The following ITSN1 variants were observed in gnomAD, a reference collection of about 807,000 sequenced individuals.
ITSN1 encodes the protein intersectin-1.
ITSN1 carries 58 observed loss-of-function variants against 239.8 expected under a neutral mutation model. The observed-to-expected ratio is 0.24, with a 90% CI of 0.20 to 0.30. The LOEUF (loss-of-function observed/expected upper bound fraction) is 0.30, where lower values mean the gene tolerates loss of function less well. Ranked by LOEUF, ITSN1 falls within the 10% of genes least tolerant of loss-of-function variation. The probability of loss-of-function intolerance (pLI) is 1.00; values close to 1 mark genes in which losing one functional copy is unlikely to be tolerated. For missense variants in ITSN1, 1,558 were observed against 2,103.3 expected, an observed-to-expected ratio of 0.74 and a Z score of 5.07; for synonymous variants, 780 against 770.8, an observed-to-expected ratio of 1.01 and a Z score of -0.20.
chr21:33,888,111 G>A, intron 39 of ITSN1, 41 bp from the exon 40 acceptor site: 1 of 1,596,722 alleles, frequency 6.3e-7, no homozygotes, highest in African/African-American at 1.4e-5. Context: ...CGAAGAGAGG[G>A]AATGGTCCCT....
intron 8 of ITSN1, among the ~76,000 whole-genome samples, chr21:33,757,759 G>A (rs897586549): frequency 6.6e-6 from 1 of 152,048 alleles, no homozygotes; most frequent in Non-Finnish European, 1.5e-5. Flanking sequence ...TTGAGAAAAG[G>A]TTTCAGTATA....
rs1986886549 is a variant in ITSN1 at position 33,898,116 on chromosome 21, C to T, written c.*9816C>T. On this transcript the variant is annotated 3_prime_UTR_variant, in exon 40 of 40. Transcript: ENST00000381318. ...TTTTTCATCAGATCCATGTGCCACG[C>T]AGGCTTCCTTGGGTTCTAGTGGATT... is the stretch of plus-strand genomic sequence containing the variant. 1 of 152,206 alleles carries T rather than the reference C, an allele frequency of 6.6e-6. No individual in the cohort carries two copies. The highest frequency in any genetic ancestry group is 1.5e-5 in the Non-Finnish European group (1 of 68,030). The allele number at this position is 152,206 out of a possible 1,614,324, so 9.4% of individuals were successfully genotyped here. A position where few individuals can be genotyped will look rare whatever the true frequency, so the allele number is the denominator to read the frequency against.
At chr21:33,736,305 T>C (rs2066498093) in intron 5 of ITSN1, among the ~76,000 whole-genome samples, 1 of 152,230 alleles carries the variant, frequency 6.6e-6, no homozygotes, top group South Asian at 2.1e-4. Context: ...AGGGTGTCTC[T>C]GATATAATTA....
intron 1 of ITSN1, among the ~76,000 whole-genome samples, chr21:33,662,778 C>T (rs575756551): frequency 3.3e-5 from 5 of 152,276 alleles, no homozygotes; most frequent in South Asian, 4.1e-4. Flanking sequence ...TGTTTCTGCA[C>T]GTACACAGGA....
At chr21:33,761,823 A>C (rs1417041432) in intron 8 of ITSN1, 100 bp from the exon 9 acceptor site, 1 of 792,932 alleles carries the variant, frequency 1.3e-6, no homozygotes, top group East Asian at 2.4e-5. Context: ...TTGTGATTGC[A>C]TGAGGTCATG....
intron 29 of ITSN1, 141 bp downstream of exon 29, chr21:33,836,773 C>T: frequency 1.3e-6 from 1 of 773,696 alleles, no homozygotes; most frequent in Non-Finnish European, 2.1e-6. Flanking sequence ...TCTTTGAAGA[C>T]CTTCTGTAAT....
chr21:33,760,107 C>CA (rs548123368), intron 8 of ITSN1, among the ~76,000 whole-genome samples: 253 of 123,588 alleles, frequency 2.0e-3, no homozygotes, highest in Middle Eastern at 4.2e-3. Flanking sequence ...GACTCCATCT[C>CA]AAAAAAAAAA....
At chr21:33,837,584 A>G in intron 29 of ITSN1, 5 of 985,918 alleles carry the variant, frequency 5.1e-6, no homozygotes, top group Non-Finnish European at 6.0e-6. Flanking sequence ...GACGTATAGA[A>G]TGAGCCCAAT....
At chr21:33,682,554 C>T (rs1464565841) in intron 1 of ITSN1, among the ~76,000 whole-genome samples, 1 of 150,866 alleles carries the variant, frequency 6.6e-6, no homozygotes, top group Non-Finnish European at 1.5e-5. Flanking sequence ...GAGATGGAGC[C>T]TCTCTCTGTT....
chr21:33,895,353 A>C lies in ITSN1; in HGVS notation c.*7053A>C, dbSNP rs1332718076. 1 of 152,448 alleles carries C rather than the reference A, an allele frequency of 6.6e-6. No individual in the cohort carries two copies. The highest frequency in any genetic ancestry group is 2.1e-4 in the South Asian group (1 of 4,848). The allele number at this position is 152,448 out of a possible 1,614,324, so 9.4% of individuals were successfully genotyped here. ...CTACTTGTAGACTTTGACTTCTGGA[A>C]TTTTAGGTGGAAGGGAATTTTTGTT... is the stretch of plus-strand genomic sequence containing the variant. On this transcript the variant is annotated 3_prime_UTR_variant, in exon 40 of 40. Transcript: ENST00000381318.
rs367792826 is a variant in ITSN1, at chr21:33,765,853, C to T, written c.789-22C>T. The stretch of plus-strand genomic sequence containing the variant: ...CATGAATTTTCATGAAACCGGATTA[C>T]AGTTAACTTTTTGTTGAATAGGAAT... On this transcript the variant is annotated intron_variant, in intron 9 of 39. Coordinates refer to ENST00000381318, the MANE Select transcript of ITSN1 (RefSeq NM_003024.3). The T allele has an allele frequency of 1.9e-6, 3 of 1,612,790 alleles. No homozygotes were observed. The African/African-American group carries it at 4.0e-5, about 22-fold the overall frequency.
chr21:33,768,144 A>G (rs1422796381), intron 11 of ITSN1, among the ~76,000 whole-genome samples: 1 of 152,370 alleles, frequency 6.6e-6, no homozygotes. Flanking sequence ...GATGAGTATT[A>G]AGGTGATTGC....
intron 9 of ITSN1, among the ~76,000 whole-genome samples, chr21:33,762,439 A>T (rs4816465): frequency 1 from 151,956 of 151,956 alleles, 75,978 homozygotes; most frequent in Non-Finnish European, 1. Context: ...GCTAATTTTG[A>T]ATTTTTAGTA....
intron 5 of ITSN1, among the ~76,000 whole-genome samples, chr21:33,744,152 T>C (rs1184310260): frequency 6.6e-6 from 1 of 152,184 alleles, no homozygotes; most frequent in Non-Finnish European, 1.5e-5. Context: ...GATAAAACTT[T>C]AAGGGGAGCA....
At chr21:33,855,015 C>T (rs1262347122) in intron 29 of ITSN1, among the ~76,000 whole-genome samples, 2 of 152,146 alleles carry the variant, frequency 1.3e-5, no homozygotes. Flanking sequence ...GGAAGCACCA[C>T]AACCCGAGAG....
intron 5 of ITSN1, among the ~76,000 whole-genome samples, chr21:33,746,374 G>T (rs1417169693): frequency 2.0e-5 from 3 of 152,186 alleles, no homozygotes; most frequent in African/African-American, 7.2e-5. Context: ...TGATCCAGCT[G>T]TTGGATTCAT....
chr21:33,744,935 A>T (rs1476605831), intron 5 of ITSN1, among the ~76,000 whole-genome samples: 1 of 152,264 alleles, frequency 6.6e-6, no homozygotes, highest in Non-Finnish European at 1.5e-5. Context: ...GGCATTTATT[A>T]TGCCTTTTGT....
At chr21:33,771,688 G>A (rs772897185) in intron 11 of ITSN1, among the ~76,000 whole-genome samples, 4 of 152,106 alleles carry the variant, frequency 2.6e-5, no homozygotes, top group East Asian at 1.9e-4. Flanking sequence ...TCATCAGCAC[G>A]GTTACAAGGC....
intron 4 of ITSN1, among the ~76,000 whole-genome samples, chr21:33,723,148 C>T (rs1478129449): frequency 6.6e-6 from 1 of 152,142 alleles, no homozygotes; most frequent in Non-Finnish European, 1.5e-5. Flanking sequence ...ACAGGAAATA[C>T]AGAGAGTATA....
Sources: gnomAD v4.1 joint callset for allele counts (sites outside exome capture counted in the v4.1 genomes callset) on GRCh38, gnomAD v4.1.1 for gene constraint, MANE v1.5 for transcripts, NCBI Gene and HGNC (gene_info 2026-07-23, HGNC 2026-07-21) for gene names.